MSH4: variants seen among roughly 807,000 people sequenced by gnomAD.
MSH4 encodes mutS protein homolog 4.
MSH4 carries 106 observed loss-of-function variants against 113.7 expected under a neutral mutation model. The observed-to-expected ratio is 0.93, with a 90% CI of 0.80 to 1.10. MSH4 has a LOEUF of 1.10. Among genes scored for constraint, MSH4 ranks in the 50% least tolerant of loss-of-function variants. The pLI is 0.00. For missense variants in MSH4, 1,061 were observed against 1,093.7 expected (o/e 0.97, Z 0.42); for synonymous variants, 368 against 380.2 (o/e 0.97, Z 0.37).
chr1:75,878,136 G>T lies in MSH4; in HGVS notation c.1371-13G>T. 1 of 1,529,244 alleles carries T rather than the reference G, an allele frequency of 6.5e-7. No individual in the cohort carries two copies. The allele number at this position is 1,529,244 out of a possible 1,614,324, so 94.7% of individuals were successfully genotyped here. A position where few individuals can be genotyped will look rare whatever the true frequency, so the allele number is the denominator to read the frequency against. On this transcript the variant is annotated splice_polypyrimidine_tract_variant and intron_variant, in intron 10 of 19. Coordinates refer to ENST00000263187, the MANE Select transcript of MSH4 (RefSeq NM_002440.4). ...TATTGCCTATAATGTTTTTCTTTTG[G>T]CCTTAATATTAGGTTTGGAATCATA... is the stretch of plus-strand genomic sequence containing the variant.
chr1:75,801,014 TG>T (rs1649923391), intron 1 of MSH4, among the ~76,000 whole-genome samples: 1 of 152,220 alleles, frequency 6.6e-6, no homozygotes, highest in South Asian at 2.1e-4. Context: ...TATTGAACAA[TG>T]CAGGTATAGA....
intron 7 of MSH4, among the ~76,000 whole-genome samples, chr1:75,843,340 G>A (rs996124818): frequency 2.6e-5 from 4 of 152,130 alleles, no homozygotes; most frequent in South Asian, 4.1e-4. Context: ...ACACTCTCTC[G>A]TTGCTGCACA....
At chr1:75,847,389 A>C (rs779398137) in intron 7 of MSH4, among the ~76,000 whole-genome samples, 31 of 152,230 alleles carry the variant, frequency 2.0e-4, no homozygotes, top group Non-Finnish European at 2.9e-4. Flanking sequence ...TTATGTGGTT[A>C]GTGGTTGAAC....
rs1650478398 is a variant in MSH4, at chr1:75,823,576, T to A, written c.1162+995T>A. 1.3e-5 allele frequency among the ~76,000 whole-genome samples: 2 copies of A among 152,048 alleles called. 1 individual carries two copies. Among genetic ancestry groups the A allele is most frequent in the South Asian group, 4.1e-4 (2 of 4,820 alleles). ...TGCACCTATCAACCCATCATCTAGG[T>A]TTTAAGCCTTGCATGCATTGGGGAT... On this transcript the variant is annotated intron_variant, in intron 7 of 19. Coordinates refer to ENST00000263187, the MANE Select transcript of MSH4 (RefSeq NM_002440.4).
At chr1:75,890,412 T>C (rs970019875) in intron 16 of MSH4, among the ~76,000 whole-genome samples, 12 of 152,180 alleles carry the variant, frequency 7.9e-5, no homozygotes, top group Middle Eastern at 3.4e-3. Flanking sequence ...ATTTATTGCA[T>C]TTTTTCACTG....
chr1:75,841,178 TCCC>T (rs1650952094), intron 7 of MSH4, among the ~76,000 whole-genome samples: 3 of 61,618 alleles, frequency 4.9e-5, no homozygotes, highest in East Asian at 5.2e-4. Flanking sequence ...CCTCCCTCCC[TCCC>T]GCTTTCTCTT....
At chr1:75,803,356 G>C (rs1005440423) in intron 1 of MSH4, among the ~76,000 whole-genome samples, 1 of 151,848 alleles carries the variant, frequency 6.6e-6, no homozygotes. Flanking sequence ...CGGTGACTCA[G>C]GCCTCTAATC....
intron 19 of MSH4, among the ~76,000 whole-genome samples, chr1:75,904,104 C>T (rs185597378): frequency 5.1e-4 from 78 of 152,238 alleles, no homozygotes; most frequent in Admixed American, 3.8e-3. Flanking sequence ...AATACTTTTT[C>T]GGCATCTATT....
intron 19 of MSH4, among the ~76,000 whole-genome samples, chr1:75,908,517 A>G (rs1232157998): frequency 1.3e-5 from 2 of 152,158 alleles, no homozygotes; most frequent in Non-Finnish European, 2.9e-5. Context: ...TTTAGAGTTC[A>G]TGAATTTTCT....
intron 9 of MSH4, among the ~76,000 whole-genome samples, chr1:75,868,526 A>G (rs1295340372): frequency 6.6e-6 from 1 of 152,258 alleles, no homozygotes; most frequent in Non-Finnish European, 1.5e-5. Flanking sequence ...AAAAGAAATA[A>G]TGAAAAATAT....
chr1:75,876,906 C>A, intron 9 of MSH4, 30 bp from the exon 10 acceptor site: 2 of 1,275,732 alleles, frequency 1.6e-6, no homozygotes, highest in Non-Finnish European at 2.2e-6. Context: ...AATTGATTAT[C>A]CTTAACTTTT....
At chr1:75,840,546 T>A (rs1274718377) in intron 7 of MSH4, among the ~76,000 whole-genome samples, 41 of 141,024 alleles carry the variant, frequency 2.9e-4, no homozygotes, top group Non-Finnish European at 1.5e-4. Context: ...GAGGGATAGC[T>A]TTAGGAGATA....
At chr1:75,909,629 A>G (rs1056234644) in intron 19 of MSH4, among the ~76,000 whole-genome samples, 2 of 151,744 alleles carry the variant, frequency 1.3e-5, no homozygotes, top group Non-Finnish European at 2.9e-5. Flanking sequence ...TCCTAATGCT[A>G]TCCCTCCCTT....
chr1:75,797,043 T>G lies in MSH4; in HGVS notation c.58T>G (p.Ser20Ala). Residue 20 changes from serine (S) to alanine (A), a missense_variant, in exon 1 of 20, where the codon TCG becomes GCG. Physicochemically the swap from Ser to Ala is moderately conservative, Grantham distance 99. Transcript: ENST00000263187. ...SPSAPAVSPS[S>A]GETRSPQGPR... ...TTCTGCCCCGGCGGTTTCCCCGTCGTCGGGAGAAACCCGCTCACCTCAGGG... is the reference window on the plus strand; with the variant it reads ...TTCTGCCCCGGCGGTTTCCCCGTCGGCGGGAGAAACCCGCTCACCTCAGGG... 1 of 1,614,044 alleles carries G rather than the reference T, an allele frequency of 6.2e-7. No homozygotes were observed. The highest frequency in any genetic ancestry group is 1.1e-5 in the South Asian group (1 of 91,088).
At chr1:75,837,330 G>C (rs1650852370) in intron 7 of MSH4, among the ~76,000 whole-genome samples, 1 of 150,882 alleles carries the variant, frequency 6.6e-6, no homozygotes, top group Non-Finnish European at 1.5e-5. Flanking sequence ...AATGGAATAA[G>C]AGCATTTGTT....
chr1:75,810,962 C>T (rs547556184), intron 4 of MSH4, among the ~76,000 whole-genome samples, 155 bp downstream of exon 4: 1 of 152,194 alleles, frequency 6.6e-6, no homozygotes, highest in Admixed American at 6.5e-5. Context: ...ACCTCCAGCT[C>T]CCGAGTTCGA....
chr1:75,859,994 T>A (rs1651416353), intron 8 of MSH4, among the ~76,000 whole-genome samples: 1 of 152,260 alleles, frequency 6.6e-6, no homozygotes, highest in Non-Finnish European at 1.5e-5. Flanking sequence ...CTTGTTGAAT[T>A]GATCCCTTTA....
chr1:75,899,015 A>G (rs940957251), intron 18 of MSH4, among the ~76,000 whole-genome samples: 6 of 152,200 alleles, frequency 3.9e-5, no homozygotes, highest in Admixed American at 2.6e-4. Flanking sequence ...TAACGTCTCA[A>G]TAAATTTTGA....
intron 15 of MSH4, among the ~76,000 whole-genome samples, chr1:75,885,059 G>GTGTATATATATATA (rs1300289205): frequency 8.9e-6 from 1 of 112,554 alleles, no homozygotes; most frequent in African/African-American, 4.1e-5. Context: ...GTGTGTGTGT[G>GTGTATATATATATA]TATATATATA....
Sources: allele counts gnomAD v4.1 joint callset (sites outside exome capture counted in the v4.1 genomes callset), GRCh38; gene constraint gnomAD v4.1.1; transcripts MANE v1.5; gene names NCBI Gene and HGNC (gene_info 2026-07-23, HGNC 2026-07-21).